SYNE2: variants seen among roughly 807,000 people sequenced by gnomAD.
SYNE2 encodes the protein nesprin-2.
A neutral mutation model predicts 856.3 loss-of-function variants in SYNE2; 431 were observed. That is an observed-to-expected ratio of 0.50 (90% CI 0.47 to 0.55). SYNE2 has a LOEUF of 0.55. Ranked by LOEUF, SYNE2 falls within the 20% of genes least tolerant of loss-of-function variation. SYNE2 has a pLI of 0.00. For missense variants in SYNE2, 8,129 were observed against 8,023.2 expected (o/e 1.01, Z -0.50); for synonymous variants, 2,923 against 2,872.3 (o/e 1.02, Z -0.56).
intron 1 of SYNE2, among the ~76,000 whole-genome samples, chr14:63,876,294 G>C (rs1158492191): frequency 6.6e-6 from 1 of 150,834 alleles, no homozygotes; most frequent in African/African-American, 2.4e-5. Flanking sequence ...GCACACGCCT[G>C]TAATTCCAGC....
Position 64,134,110 on chromosome 14 carries a change from G to T in SYNE2, c.14556G>T (p.Lys4852Asn), listed in dbSNP as rs761574623. The part of the protein sequence containing the change: ...EFDENYASLE[K>N]DLEILISTLP... ...ATGAAAACTATGCATCTCTTGAAAAGGACCTGGAAATTCTTATATCTACAT... is the reference window on the plus strand; with the variant it reads ...ATGAAAACTATGCATCTCTTGAAAATGACCTGGAAATTCTTATATCTACAT... Residue 4852 changes from lysine (K) to asparagine (N), a missense_variant, in exon 78 of 116, where the codon AAG (lysine) becomes AAT (asparagine). By Grantham distance (94) the Lys-to-Asn change is moderately conservative. Around this residue, in one of 3 missense-constraint regions of SYNE2, gnomAD observed 5,410 missense variants for 5,284.8 expected, o/e 1.02. Coordinates refer to ENST00000555002, the MANE Select transcript of SYNE2 (RefSeq NM_182914.3). 3.1e-6 allele frequency: 5 copies of T among 1,613,916 alleles called. No homozygotes were observed. The Admixed American group carries it at 8.3e-5, about 27-fold the overall frequency.
At chr14:64,110,127 A>C (rs1312497037) in intron 65 of SYNE2, among the ~76,000 whole-genome samples, 1 of 151,176 alleles carries the variant, frequency 6.6e-6, no homozygotes, top group African/African-American at 2.5e-5. Context: ...AGTGGGGGAG[A>C]TATGCAGGTA....
At chr14:64,009,769 A>G (rs368760904) in intron 31 of SYNE2, among the ~76,000 whole-genome samples, 197 bp from the exon 32 acceptor site, 1 of 152,152 alleles carries the variant, frequency 6.6e-6, no homozygotes, top group Non-Finnish European at 1.5e-5. Flanking sequence ...GTACTAATCT[A>G]GAGATTATGC....
At chr14:64,214,614 C>A in intron 106 of SYNE2, 144 bp downstream of exon 106, 1 of 769,206 alleles carries the variant, frequency 1.3e-6, no homozygotes, top group Non-Finnish European at 2.1e-6. Context: ...TCTATCCTGC[C>A]CATCTCTTAA....
At chr14:63,840,697 C>T (rs142093134) in intron 1 of SYNE2, among the ~76,000 whole-genome samples, 52 of 152,188 alleles carry the variant, frequency 3.4e-4, no homozygotes, top group African/African-American at 1.2e-3. Context: ...TATCCCTTCA[C>T]TTCTTTAGGT....
chr14:63,825,746 G>A (rs1197795186), intron 1 of SYNE2, among the ~76,000 whole-genome samples: 1 of 151,978 alleles, frequency 6.6e-6, no homozygotes, highest in African/African-American at 2.4e-5. Flanking sequence ...ATGGTGGCGG[G>A]CGCCTGTAAT....
chr14:64,108,654 G>GT (rs931093070), intron 65 of SYNE2, among the ~76,000 whole-genome samples: 1 of 151,894 alleles, frequency 6.6e-6, no homozygotes, highest in African/African-American at 2.4e-5. Context: ...TTCTATTTAT[G>GT]TTTTTTTCTC....
intron 1 of SYNE2, among the ~76,000 whole-genome samples, chr14:63,856,606 A>C (rs982536442): frequency 3.3e-5 from 5 of 152,220 alleles, no homozygotes; most frequent in African/African-American, 1.2e-4. Flanking sequence ...TTAAGAAATA[A>C]TATTAAATAC....
intron 1 of SYNE2, among the ~76,000 whole-genome samples, chr14:63,892,729 C>CTTTT (rs11293385): frequency 3.8e-5 from 5 of 130,238 alleles, no homozygotes; most frequent in East Asian, 4.4e-4. Context: ...GGTGTACTTT[C>CTTTT]TTTTTTTTTT....
At position 64,070,852 on chromosome 14, in the gene SYNE2, G is replaced by A; in HGVS notation, c.10639G>A (p.Ala3547Thr). 3 of 1,614,164 alleles carry A rather than the reference G, an allele frequency of 1.9e-6. No homozygotes were observed. The highest frequency in any genetic ancestry group is 2.5e-6 in the Non-Finnish European group (3 of 1,180,004). ...SIQNVPESSG[A>T]VETVPAFQEI... ...CCAGAATGTTCCTGAAAGCTCAGGG[G>A]CTGTGGAAACTGTTCCAGCATTTCA... is the stretch of plus-strand genomic sequence containing the variant. The change falls in exon 52 of 116, where the codon GCT (alanine) becomes ACT (threonine). Residue 3547 changes from alanine to threonine, a missense_variant. Ala to Thr is a moderately conservative substitution (Grantham distance 58). This residue lies in a region of SYNE2 where 5,410 missense variants were observed against 5,284.8 expected (regional missense o/e 1.02). Coordinates refer to ENST00000555002, the MANE Select transcript of SYNE2 (RefSeq NM_182914.3).
chr14:64,121,453 G>C (rs375491362), intron 68 of SYNE2, among the ~76,000 whole-genome samples: 1 of 152,178 alleles, frequency 6.6e-6, no homozygotes, highest in African/African-American at 2.4e-5. Flanking sequence ...AATCCAGGAG[G>C]CAGAGGTTGC....
chr14:63,865,710 A>T (rs1167228418), intron 1 of SYNE2, among the ~76,000 whole-genome samples: 5 of 27,126 alleles, frequency 1.8e-4, no homozygotes, highest in Admixed American at 5.5e-4. Flanking sequence ...AAAACTCTGT[A>T]CCCACCCCCC....
At chr14:63,971,433 C>G (rs2096475523) in intron 11 of SYNE2, among the ~76,000 whole-genome samples, 1 of 152,014 alleles carries the variant, frequency 6.6e-6, no homozygotes, top group Non-Finnish European at 1.5e-5. Context: ...TGTACAATAT[C>G]TAAGTTATTG....
At chr14:63,951,702 T>G (rs973381555) in intron 7 of SYNE2, among the ~76,000 whole-genome samples, 3 of 152,254 alleles carry the variant, frequency 2.0e-5, no homozygotes, top group Non-Finnish European at 4.4e-5. Flanking sequence ...TTAAATGAAC[T>G]GTTTCTTGAA....
intron 103 of SYNE2, among the ~76,000 whole-genome samples, chr14:64,211,231 G>A (rs1432612242): frequency 6.6e-6 from 1 of 152,102 alleles, no homozygotes; most frequent in Non-Finnish European, 1.5e-5. Flanking sequence ...TTCCACCTTG[G>A]CCTCCCAAAG....
At chr14:63,833,612 T>A (rs1473567658) in intron 1 of SYNE2, among the ~76,000 whole-genome samples, 1 of 152,220 alleles carries the variant, frequency 6.6e-6, no homozygotes, top group Non-Finnish European at 1.5e-5. Flanking sequence ...TGTCTATGGA[T>A]CATTTGGAAG....
At position 64,025,185 on chromosome 14, in the gene SYNE2, A is replaced by C. The variant is rs2096968297; in HGVS notation, c.6016A>C (p.Thr2006Pro). The C allele has an allele frequency of 1.9e-6, 3 of 1,614,162 alleles. No homozygotes were observed. The highest frequency in any genetic ancestry group is 2.5e-6 in the Non-Finnish European group (3 of 1,180,004). ...LNNSLKEYGF[T>P]EEEEIIMEAT... The stretch of plus-strand genomic sequence containing the variant: ...CAACTCTTTGAAGGAATATGGGTTT[A>C]CTGAAGAAGAAGAAATAATAATGGA... The change falls in exon 41 of 116, where the codon ACT becomes CCT. Residue 2006 changes from threonine (T) to proline (P), a missense_variant. By Grantham distance (38) the Thr-to-Pro change is conservative. This residue lies in a region of SYNE2 where 2,422 missense variants were observed against 2,357.4 expected (regional missense o/e 1.03). Coordinates refer to ENST00000555002, the MANE Select transcript of SYNE2 (RefSeq NM_182914.3).
At chr14:64,120,892 A>T in intron 67 of SYNE2, 35 bp from the exon 68 acceptor site, 2 of 1,612,506 alleles carry the variant, frequency 1.2e-6, no homozygotes, top group Non-Finnish European at 1.7e-6. Context: ...TTATTTTTAA[A>T]AATAAATAGC....
chr14:63,780,706 T>C (rs960795764), intron 1 of SYNE2, among the ~76,000 whole-genome samples: 2 of 151,934 alleles, frequency 1.3e-5, no homozygotes, highest in African/African-American at 4.8e-5. Context: ...TGAGAAGTAT[T>C]AAAAAAAATG....
Sources: gnomAD v4.1 joint callset for allele counts (sites outside exome capture counted in the v4.1 genomes callset) on GRCh38, gnomAD v4.1.1 for gene constraint, gnomAD v4.1.1 regional missense constraint, MANE v1.5 for transcripts, NCBI Gene and HGNC (gene_info 2026-07-23, HGNC 2026-07-21) for gene names.